BBX: variants seen among roughly 807,000 people sequenced by gnomAD.
The protein encoded by BBX is BBX high mobility group box domain containing, also known as HMG box transcription factor BBX.
BBX carries 30 observed loss-of-function variants against 100.2 expected under a neutral mutation model. The observed-to-expected ratio is 0.30, with a 90% CI of 0.22 to 0.41. The LOEUF (loss-of-function observed/expected upper bound fraction) is 0.41. Ranked by LOEUF, BBX falls within the 10% of genes least tolerant of loss-of-function variation. The probability of loss-of-function intolerance (pLI) is 1.00; values close to 1 mark genes in which losing one functional copy is unlikely to be tolerated. For synonymous variants in BBX, 376 were observed against 388.1 expected, an observed-to-expected ratio of 0.97 and a Z score of 0.37; for missense variants, 1,023 against 1,129.8, an observed-to-expected ratio of 0.91 and a Z score of 1.35.
Position 107,755,652 on chromosome 3 carries a change from A to G in BBX, c.880A>G (p.Lys294Glu), listed in dbSNP as rs1182894830. ...TGCTGAGCCTGTAAAACGCTGTGGA[A>G]AGTCTGCACTCTTTCAACTGGCAGA... ...GGAEPVKRCG[K>E]SALFQLAEMC... The change falls in exon 10 of 18, where the codon AAG becomes GAG. Residue 294 changes from lysine (K) to glutamate (E), a missense_variant. Coordinates refer to ENST00000325805, the MANE Select transcript of BBX (RefSeq NM_001142568.3). 25 of 1,613,836 alleles carry G rather than the reference A, an allele frequency of 1.5e-5. No homozygotes were observed. Among genetic ancestry groups the G allele is most frequent in the African/African-American group, 5.3e-5 (4 of 74,930 alleles).
At chr3:107,708,076 A>G (rs747249098) in intron 3 of BBX, among the ~76,000 whole-genome samples, 36 of 152,298 alleles carry the variant, frequency 2.4e-4, no homozygotes, top group Non-Finnish European at 3.8e-4. Flanking sequence ...CACAGAAACA[A>G]CCATTTCCTC....
intron 2 of BBX, among the ~76,000 whole-genome samples, chr3:107,637,629 G>A (rs776932921): frequency 2.6e-5 from 4 of 152,172 alleles, no homozygotes; most frequent in Non-Finnish European, 4.4e-5. Flanking sequence ...CTGTAATCCT[G>A]TGATTTCACA....
At chr3:107,634,537 T>C (rs2056739807) in intron 2 of BBX, among the ~76,000 whole-genome samples, 1 of 152,218 alleles carries the variant, frequency 6.6e-6, no homozygotes, top group Non-Finnish European at 1.5e-5. Context: ...TTCAAGCCTA[T>C]CAAGTCTATA....
intron 3 of BBX, among the ~76,000 whole-genome samples, chr3:107,648,301 G>C (rs1227417990): frequency 6.6e-6 from 1 of 151,896 alleles, no homozygotes; most frequent in Non-Finnish European, 1.5e-5. Context: ...CTAAAACTTA[G>C]GAAAAGTTTC....
chr3:107,725,856 A>G (rs2062889712), intron 5 of BBX, among the ~76,000 whole-genome samples: 1 of 152,056 alleles, frequency 6.6e-6, no homozygotes. Flanking sequence ...GGAAGCCATG[A>G]GGTGAATTTT....
At chr3:107,584,837 A>G (rs2052709356) in intron 2 of BBX, among the ~76,000 whole-genome samples, 1 of 151,600 alleles carries the variant, frequency 6.6e-6, no homozygotes, top group African/African-American at 2.4e-5. Context: ...GATTACAGGC[A>G]TGCGCAACCA....
At chr3:107,750,347 T>C (rs1363166977) in intron 9 of BBX, among the ~76,000 whole-genome samples, 1 of 152,138 alleles carries the variant, frequency 6.6e-6, no homozygotes, top group Non-Finnish European at 1.5e-5. Flanking sequence ...TTTCAAAATA[T>C]AGGAAGGCAT....
chr3:107,592,242 G>C (rs140328138), intron 2 of BBX, among the ~76,000 whole-genome samples: 1 of 151,358 alleles, frequency 6.6e-6, no homozygotes, highest in African/African-American at 2.4e-5. Context: ...TGGTGCGCAC[G>C]TGTGGTTCCA....
At chr3:107,612,456 G>A (rs911053121) in intron 2 of BBX, among the ~76,000 whole-genome samples, 2 of 152,114 alleles carry the variant, frequency 1.3e-5, no homozygotes, top group African/African-American at 4.8e-5. Context: ...GTATTAGGGG[G>A]CACCTCAAGC....
At chr3:107,583,897 A>C (rs2052467596) in intron 2 of BBX, among the ~76,000 whole-genome samples, 1 of 124,002 alleles carries the variant, frequency 8.1e-6, no homozygotes, top group Non-Finnish European at 1.6e-5. Flanking sequence ...ATTATATATA[A>C]AGTATAAAGT....
Position 107,805,428 on chromosome 3 carries a change from C to T in BBX, c.2797C>T (p.Pro933Ser), listed in dbSNP as rs1559820282. The T allele has an allele frequency of 6.2e-7, 1 of 1,614,126 alleles. No homozygotes were observed. The highest frequency in any genetic ancestry group is 2.2e-5 in the East Asian group (1 of 44,878). The change falls in exon 18 of 18, where the codon CCT becomes TCT. Residue 933 changes from proline to serine, a missense_variant. By Grantham distance (74) the Pro-to-Ser change is moderately conservative. Around this residue, in one of 9 missense-constraint regions of BBX, gnomAD observed 104 missense variants for 132.2 expected, o/e 0.79. Coordinates refer to ENST00000325805, the MANE Select transcript of BBX (RefSeq NM_001142568.3). ...ACAGCCAAAAGAAATGCCGCAGGCT[C>T]CTGTACTTATTTCCTGCGCTGACCA... ...DGQPKEMPQA[P>S]VLISCADQ
intron 2 of BBX, among the ~76,000 whole-genome samples, chr3:107,538,267 G>A (rs1476010143): frequency 1.3e-5 from 2 of 152,090 alleles, no homozygotes; most frequent in Non-Finnish European, 2.9e-5. Context: ...CAAGTTATTT[G>A]TAGTTTTCTG....
intron 2 of BBX, among the ~76,000 whole-genome samples, chr3:107,619,460 T>G (rs1285304828): frequency 6.6e-6 from 1 of 152,248 alleles, no homozygotes; most frequent in South Asian, 2.1e-4. Context: ...TATTCTAATT[T>G]GTTTCAGTCA....
chr3:107,801,332 T>C (rs762992264), intron 17 of BBX, 51 bp downstream of exon 17: 45 of 1,568,818 alleles, frequency 2.9e-5, no homozygotes, highest in Non-Finnish European at 3.8e-5. Context: ...CAGATCAACC[T>C]CTTTGATGTG....
intron 8 of BBX, among the ~76,000 whole-genome samples, chr3:107,746,067 G>A (rs1449188871): frequency 3.3e-5 from 5 of 151,576 alleles, no homozygotes; most frequent in African/African-American, 9.7e-5. Context: ...CCTTTTTTTA[G>A]AACTTCTGAG....
chr3:107,543,747 G>A (rs1169081346), intron 2 of BBX, among the ~76,000 whole-genome samples: 1 of 152,172 alleles, frequency 6.6e-6, no homozygotes, highest in African/African-American at 2.4e-5. Context: ...CTAATCTTAA[G>A]CAAAAGAGTC....
intron 4 of BBX, chr3:107,711,190 CA>C: frequency 2.6e-6 from 1 of 383,722 alleles, no homozygotes; most frequent in Non-Finnish European, 5.3e-6. Context: ...CCAACTCATT[CA>C]AAGTCAAAAG....
At position 107,526,273 on chromosome 3, in the gene BBX, A is replaced by G; in HGVS notation, c.-155-54A>G. The G allele has an allele frequency of 1.5e-5, 6 of 398,560 alleles. No homozygotes were observed. In the East Asian group the frequency reaches 1.8e-4, roughly 12 times the overall value. 24.7% of individuals were successfully genotyped at this position (398,560 alleles called of 1,614,324 possible). ...TAGATGTTACAGGACTTGGGACTGT[A>G]CTATTGTAAAGCCCTACTATACTGA... On this transcript the variant is annotated intron_variant, in intron 1 of 17. Coordinates refer to ENST00000325805, the MANE Select transcript of BBX (RefSeq NM_001142568.3).
intron 3 of BBX, among the ~76,000 whole-genome samples, chr3:107,658,957 G>A (rs1236327349): frequency 1.3e-5 from 2 of 152,074 alleles, no homozygotes; most frequent in African/African-American, 2.4e-5. Flanking sequence ...AATTTGACCT[G>A]TAACACCTTT....
Sources: allele counts gnomAD v4.1 joint callset (sites outside exome capture counted in the v4.1 genomes callset), GRCh38; gene constraint gnomAD v4.1.1; regional missense constraint gnomAD v4.1.1; transcripts MANE v1.5; gene names NCBI Gene and HGNC (gene_info 2026-07-23, HGNC 2026-07-21).